The following RTN4IP1 variants were observed in gnomAD, a reference collection of about 807,000 sequenced individuals.
RTN4IP1 encodes the protein reticulon 4 interacting protein 1, also known as NAD(P)H oxidoreductase RTN4IP1, mitochondrial.
Under a neutral mutation model 46.6 loss-of-function variants are expected in RTN4IP1, and 32 were observed. The observed-to-expected ratio is 0.69, with a 90% confidence interval of 0.52 to 0.92. The LOEUF (loss-of-function observed/expected upper bound fraction) is 0.92. Ranked by LOEUF, RTN4IP1 falls within the 40% of genes least tolerant of loss-of-function variation. The pLI, the probability that RTN4IP1 is intolerant of heterozygous loss-of-function variation, is 0.00. For missense variants in RTN4IP1, 424 were observed against 485.8 expected, an observed-to-expected ratio of 0.87 and a Z score of 1.20; for synonymous variants, 167 against 161.8, an observed-to-expected ratio of 1.03 and a Z score of -0.24.
intron 1 of RTN4IP1, among the ~76,000 whole-genome samples, chr6:106,624,421 C>T (rs1776578566): frequency 6.6e-6 from 1 of 151,866 alleles, no homozygotes; most frequent in Non-Finnish European, 1.5e-5. Context: ...GTGATCTTGG[C>T]TCACTACAAC....
intron 8 of RTN4IP1, among the ~76,000 whole-genome samples, chr6:106,574,383 C>T (rs1775167094): frequency 6.6e-6 from 1 of 151,412 alleles, no homozygotes; most frequent in East Asian, 1.9e-4. Flanking sequence ...GTGGAGGTTG[C>T]AGTGAACTGA....
intron 4 of RTN4IP1, among the ~76,000 whole-genome samples, chr6:106,618,187 A>G (rs1382559262): frequency 6.6e-6 from 1 of 152,214 alleles, no homozygotes; most frequent in East Asian, 1.9e-4. Flanking sequence ...TTAATGCTCT[A>G]TCACCGAACA....
At chr6:106,601,401 A>G (rs72945040) in intron 5 of RTN4IP1, among the ~76,000 whole-genome samples, 11,054 of 152,168 alleles carry the variant, frequency 0.073, 589 homozygotes, top group East Asian at 0.2. Context: ...TTTGACATAC[A>G]AAAGTTTTTT....
intron 8 of RTN4IP1, among the ~76,000 whole-genome samples, chr6:106,579,699 G>A (rs1026915620): frequency 3.9e-5 from 6 of 151,968 alleles, no homozygotes; most frequent in Non-Finnish European, 8.8e-5. Flanking sequence ...TATTAACTCG[G>A]TGGCTTCTCC....
At chr6:106,578,244 C>T (rs1488505834) in intron 8 of RTN4IP1, among the ~76,000 whole-genome samples, 3 of 152,168 alleles carry the variant, frequency 2.0e-5, no homozygotes, top group Admixed American at 2.0e-4. Flanking sequence ...GTAGAAGGAA[C>T]TGTCGTAAGG....
At chr6:106,627,279 TA>T (rs1204970993) in intron 1 of RTN4IP1, among the ~76,000 whole-genome samples, 1 of 152,224 alleles carries the variant, frequency 6.6e-6, no homozygotes, top group African/African-American at 2.4e-5. Flanking sequence ...AAAGTCTAGA[TA>T]CAGCCATTCT....
chr6:106,585,162 C>G (rs1582862754), intron 7 of RTN4IP1, among the ~76,000 whole-genome samples: 1 of 152,190 alleles, frequency 6.6e-6, no homozygotes, highest in East Asian at 1.9e-4. Flanking sequence ...TTGAGATGCA[C>G]TGGTTTATGC....
At position 106,576,195 on chromosome 6, in the gene RTN4IP1, C is replaced by T. The variant is rs932601687; in HGVS notation, c.1084-4092G>A. Among the ~76,000 whole-genome samples, 14 of 152,216 alleles carry T rather than the reference C, an allele frequency of 9.2e-5. No individual in the cohort carries two copies. In the South Asian group the frequency reaches 1.0e-3, roughly 11 times the overall value. On this transcript the variant is annotated intron_variant, in intron 8 of 8. Coordinates refer to ENST00000369063, the MANE Select transcript of RTN4IP1 (RefSeq NM_032730.5). The stretch of plus-strand genomic sequence containing the variant: ...AATTTTGCTCTCAGTTGCTGTTTCT[C>T]GGAAACTTCCTGCCCCAGATGGCAA...
intron 1 of RTN4IP1, among the ~76,000 whole-genome samples, chr6:106,626,355 A>T (rs1167480524): frequency 6.6e-6 from 1 of 152,214 alleles, no homozygotes; most frequent in Non-Finnish European, 1.5e-5. Context: ...CAGGGAAAAA[A>T]AAAACAACTT....
intron 1 of RTN4IP1, among the ~76,000 whole-genome samples, chr6:106,624,463 C>G (rs940879668): frequency 2.6e-5 from 4 of 151,926 alleles, no homozygotes; most frequent in African/African-American, 9.7e-5. Context: ...CATTCTCATG[C>G]CTCAACCTCT....
At chr6:106,576,439 G>A (rs941124758) in intron 8 of RTN4IP1, among the ~76,000 whole-genome samples, 3 of 152,200 alleles carry the variant, frequency 2.0e-5, no homozygotes, top group Non-Finnish European at 4.4e-5. Context: ...AAGCATTGAG[G>A]CCATGGGATC....
In RTN4IP1 at chr6:106,572,110, A is replaced by AACATAAG. The variant is rs763634645; in HGVS notation, c.1084-14_1084-8dup. 2 of 1,605,548 alleles carry AACATAAG rather than the reference A, an allele frequency of 1.2e-6. No homozygotes were observed. Among genetic ancestry groups the AACATAAG allele is most frequent in the African/African-American group, 2.7e-5 (2 of 74,804 alleles). On this transcript the variant is annotated splice_polypyrimidine_tract_variant and splice_region_variant and intron_variant, in intron 8 of 8. Transcript: ENST00000369063. ...GTTCAATAACTGGCCGGATCTGTAA[A>AACATAAG]ACATAAGAGGTTGACCGGTGGATAA... is the stretch of plus-strand genomic sequence containing the variant.
At position 106,628,738 on chromosome 6, in the gene RTN4IP1, G is replaced by T. The variant is rs1248383495; in HGVS notation, c.274+10C>A. 6.3e-7 allele frequency: 1 copy of T among 1,591,106 alleles called. No homozygotes were observed. The highest frequency in any genetic ancestry group is 8.6e-7 in the Non-Finnish European group (1 of 1,164,752). Reference sequence around the variant, plus strand: ...TTTAAAAAAGGTAACAATGTCTTTTGAAAACTTACTTCTCATATTAACGTC... The same window carrying T: ...TTTAAAAAAGGTAACAATGTCTTTTTAAAACTTACTTCTCATATTAACGTC... On this transcript the variant is annotated intron_variant, in intron 1 of 8. Transcript: ENST00000369063.
intron 5 of RTN4IP1, among the ~76,000 whole-genome samples, chr6:106,596,869 C>T (rs1313037194): frequency 6.6e-6 from 1 of 152,158 alleles, no homozygotes; most frequent in Non-Finnish European, 1.5e-5. Flanking sequence ...ATAAAAGATT[C>T]TTGGCGCACT....
At position 106,628,762 on chromosome 6, in the gene RTN4IP1, T is replaced by C. The variant is rs755516858; in HGVS notation, c.260A>G (p.Asp87Gly). Residue 87 changes from aspartate (D) to glycine (G), a missense_variant, in exon 1 of 9, where the codon GAC (aspartate) becomes GGC (glycine). Transcript: ENST00000369063. Reference protein sequence around the residue: ...KVHAASVNPIDVNMRSGYGAT... With the variant: ...KVHAASVNPIGVNMRSGYGAT... Reference sequence around the variant, plus strand: ...TGAAAACTTACTTCTCATATTAACGTCTATAGGATTTACACTGGCAGCGTG... The same window carrying C: ...TGAAAACTTACTTCTCATATTAACGCCTATAGGATTTACACTGGCAGCGTG... The C allele has an allele frequency of 6.2e-7, 1 of 1,612,320 alleles. No individual in the cohort carries two copies.
chr6:106,630,161 C>G (rs1176257452), upstream of RTN4IP1, among the ~76,000 whole-genome samples: 2 of 152,200 alleles, frequency 1.3e-5, no homozygotes, highest in South Asian at 2.1e-4. Context: ...TTACCTACCA[C>G]TAAGATACCA....
At position 106,629,164 on chromosome 6, in the gene RTN4IP1, G is replaced by A. The variant is rs1340176133; in HGVS notation, c.-143C>T. On this transcript the variant is annotated 5_prime_UTR_variant, in exon 1 of 9. Coordinates refer to ENST00000369063, the MANE Select transcript of RTN4IP1 (RefSeq NM_032730.5). ...GCAAAACGGAGCATTCGAAAATGAA[G>A]CTAATCTAATGGAGAAACTGAAAGA... 21 of 709,746 alleles carry A rather than the reference G, an allele frequency of 3.0e-5. No homozygotes were observed. Among genetic ancestry groups the A allele is most frequent in the Non-Finnish European group, 4.9e-5 (21 of 431,214 alleles). 44.0% of individuals were successfully genotyped at this position (709,746 alleles called of 1,614,324 possible).
intron 5 of RTN4IP1, 99 bp downstream of exon 5, chr6:106,602,775 C>T (rs571992361): frequency 1.3e-6 from 1 of 758,728 alleles, no homozygotes; most frequent in South Asian, 2.1e-5. Context: ...TTTACCAGAC[C>T]TACCTTTCTC....
chr6:106,628,657 A>T (rs2114690230), intron 1 of RTN4IP1, 91 bp downstream of exon 1: 1 of 1,209,870 alleles, frequency 8.3e-7, no homozygotes, highest in Non-Finnish European at 1.1e-6. Flanking sequence ...TCATTTATGT[A>T]AACCAAAGAA....
Sources: gnomAD v4.1 joint callset for allele counts (sites outside exome capture counted in the v4.1 genomes callset) on GRCh38, gnomAD v4.1.1 for gene constraint, MANE v1.5 for transcripts, NCBI Gene and HGNC (gene_info 2026-07-23, HGNC 2026-07-21) for gene names.